TDRD1: variants seen among roughly 807,000 people sequenced by gnomAD.
The protein encoded by TDRD1 is tudor domain containing 1.
In TDRD1, 37 loss-of-function variants were observed where a neutral mutation model predicts 140.6. The observed-to-expected ratio is 0.26, with a 90% CI of 0.20 to 0.35. The LOEUF (loss-of-function observed/expected upper bound fraction) is 0.35. Among genes scored for constraint, TDRD1 ranks in the 10% least tolerant of loss-of-function variants. TDRD1 has a pLI of 1.00. For synonymous variants in TDRD1, 506 were observed against 475.7 expected, an observed-to-expected ratio of 1.06 and a Z score of -0.83; for missense variants, 1,243 against 1,393.0, an observed-to-expected ratio of 0.89 and a Z score of 1.71.
At chr10:114,212,435 T>C (rs959863042) in intron 14 of TDRD1, among the ~76,000 whole-genome samples, 3 of 152,176 alleles carry the variant, frequency 2.0e-5, no homozygotes, top group Non-Finnish European at 4.4e-5. Context: ...CAGAAAGGGT[T>C]GACCTAGTTT....
At chr10:114,222,620 A>T in exon 21 of TDRD1, 1 of 1,612,340 alleles carries the variant, frequency 6.2e-7, no homozygotes, top group Non-Finnish European at 8.5e-7. Flanking sequence ...TTGACAGCTG[A>T]ATTATTAGAA....
chr10:114,203,022 T>G, intron 6 of TDRD1, 50 bp from the exon 7 acceptor site: 5 of 1,262,586 alleles, frequency 4.0e-6, no homozygotes, highest in African/African-American at 1.5e-5. Context: ...ATAGAATCAT[T>G]GAAACATGTG....
At chr10:114,178,879 A>C (rs1024625956), upstream of TDRD1, among the ~76,000 whole-genome samples, 4 of 152,094 alleles carry the variant, frequency 2.6e-5, no homozygotes, top group African/African-American at 4.8e-5. Flanking sequence ...AAAAAAAAAA[A>C]AAACAAAACT....
Position 114,183,700 on chromosome 10 carries a change from C to CTT in TDRD1, c.-6-4107_-6-4106dup, listed in dbSNP as rs374468967. On this transcript the variant is annotated intron_variant, in intron 1 of 25. Coordinates refer to ENST00000251864, the Ensembl canonical transcript of TDRD1. ...TGTCTATTAAAGCCATCACAGTTAA[C>CTT]TTTTTTTTTTTTTTTTTTTTGAGAC... is the stretch of plus-strand genomic sequence containing the variant. 3.6e-3 allele frequency among the ~76,000 whole-genome samples: 468 copies of CTT among 129,594 alleles called. 2 individuals carry two copies. The highest frequency in any genetic ancestry group is 0.018 in the South Asian group (74 of 4,060). The allele number at this position is 129,594 out of a possible 152,430, so 85.0% of individuals were successfully genotyped here.
chr10:114,179,624 C>T (rs2032863775), intron 1 of TDRD1: 1 of 152,212 alleles, frequency 6.6e-6, no homozygotes, highest in African/African-American at 2.4e-5. Context: ...GGAAATAGCG[C>T]TTCCAGGCAT....
exon 7 of TDRD1, chr10:114,203,114 G>A (rs772053527): frequency 3.1e-6 from 5 of 1,613,910 alleles, no homozygotes; most frequent in Non-Finnish European, 4.2e-6. Context: ...AGCCATTTGG[G>A]CTGAGAGAAT....
At position 114,189,890 on chromosome 10, in the gene TDRD1, G is replaced by A. The variant is rs113482324; in HGVS notation, c.326-1071G>A. On this transcript the variant is annotated intron_variant, in intron 2 of 25. Coordinates refer to ENST00000251864, the Ensembl canonical transcript of TDRD1. ...AGTCATGCATGCGCAGGAATCCAAAGTGCGGGATAATCAGTGAATTCTAAC... is the reference window on the plus strand; with the variant it reads ...AGTCATGCATGCGCAGGAATCCAAAATGCGGGATAATCAGTGAATTCTAAC... Among the ~76,000 whole-genome samples, 772 of 152,370 alleles carry A rather than the reference G, an allele frequency of 5.1e-3. 7 individuals are homozygous for A. The highest frequency in any genetic ancestry group is 0.018 in the African/African-American group (741 of 41,582).
chr10:114,216,944 G>C (rs914021507), intron 16 of TDRD1, among the ~76,000 whole-genome samples: 1 of 152,186 alleles, frequency 6.6e-6, no homozygotes, highest in South Asian at 2.1e-4. Context: ...AGCTCTCCAT[G>C]GTCTGCATTT....
chr10:114,199,274 A>C, exon 4 of TDRD1: 1 of 1,613,660 alleles, frequency 6.2e-7, no homozygotes, highest in Non-Finnish European at 8.5e-7. Context: ...CCTCCTTAGG[A>C]CCTCCTCTTC....
At chr10:114,199,824 T>C (rs2034610078) in intron 4 of TDRD1, among the ~76,000 whole-genome samples, 1 of 152,240 alleles carries the variant, frequency 6.6e-6, no homozygotes, top group African/African-American at 2.4e-5. Context: ...TAGTATCTCA[T>C]TGTATGGTTA....
At chr10:114,231,447 T>C (rs1351507613) in intron 25 of TDRD1, 2 of 1,549,404 alleles carry the variant, frequency 1.3e-6, no homozygotes, top group East Asian at 4.5e-5. Context: ...TGAGTTTTTG[T>C]GTAAGGCATA....
intron 14 of TDRD1, among the ~76,000 whole-genome samples, chr10:114,212,551 G>A (rs2035554435): frequency 6.6e-6 from 1 of 152,184 alleles, no homozygotes; most frequent in Non-Finnish European, 1.5e-5. Flanking sequence ...TAAGCTAAAG[G>A]TGAAATTTCA....
At position 114,190,283 on chromosome 10, in the gene TDRD1, G is replaced by A. The variant is rs527362658; in HGVS notation, c.326-678G>A. 2.4e-4 allele frequency among the ~76,000 whole-genome samples: 37 copies of A among 152,264 alleles called. No homozygotes were observed. The South Asian group carries it at 7.7e-3, about 32-fold the overall frequency. ...GTAATGCATTTATTTTTAAATGGATGTTTAAATTTAGTTTTAATTTCTAAT... is the reference window on the plus strand; with the variant it reads ...GTAATGCATTTATTTTTAAATGGATATTTAAATTTAGTTTTAATTTCTAAT... On this transcript the variant is annotated intron_variant, in intron 2 of 25. Transcript: ENST00000251864.
At chr10:114,184,875 G>T (rs2033392249) in intron 1 of TDRD1, among the ~76,000 whole-genome samples, 1 of 152,072 alleles carries the variant, frequency 6.6e-6, no homozygotes, top group Admixed American at 6.5e-5. Context: ...ATGGAGATTT[G>T]TGTGTATTGT....
At chr10:114,192,638 GTTAATT>G (rs557894013) in intron 3 of TDRD1, among the ~76,000 whole-genome samples, 27 of 152,140 alleles carry the variant, frequency 1.8e-4, no homozygotes, top group African/African-American at 5.5e-4. Context: ...TCCATTTTCA[GTTAATT>G]TTAAGTTAAG....
intron 3 of TDRD1, among the ~76,000 whole-genome samples, chr10:114,192,454 G>A (rs372330248): frequency 3.0e-4 from 45 of 151,492 alleles, no homozygotes; most frequent in African/African-American, 6.8e-4. Context: ...ACAGGTGGCC[G>A]CCACTACGCC....
At chr10:114,204,962 C>T (rs914030081) in intron 10 of TDRD1, 69 bp downstream of exon 10, 26 of 1,390,840 alleles carry the variant, frequency 1.9e-5, no homozygotes, top group African/African-American at 6.0e-5. Context: ...TCAGAAGAAA[C>T]GGAAACATCA....
chr10:114,182,192 T>C (rs2033126776), intron 1 of TDRD1, among the ~76,000 whole-genome samples: 1 of 152,206 alleles, frequency 6.6e-6, no homozygotes, highest in African/African-American at 2.4e-5. Context: ...GAGTCTCAGA[T>C]ATTTTTGAAA....
chr10:114,196,791 G>A (rs924153035), intron 3 of TDRD1, among the ~76,000 whole-genome samples: 1 of 128,946 alleles, frequency 7.8e-6, no homozygotes, highest in Non-Finnish European at 1.6e-5. Context: ...TCTTGAATTA[G>A]TAGATTTATA....
Sources: gnomAD v4.1 joint callset for allele counts (sites outside exome capture counted in the v4.1 genomes callset) on GRCh38, gnomAD v4.1.1 for gene constraint, MANE v1.5 for transcripts, NCBI Gene and HGNC (gene_info 2026-07-23, HGNC 2026-07-21) for gene names.